Variants in NAV1 observed in about 807,000 individuals in gnomAD.
NAV1 encodes the protein neuron navigator 1.
A neutral mutation model predicts 175.2 loss-of-function variants in NAV1; 18 were observed. That is an observed-to-expected ratio of 0.10 (90% CI 0.07 to 0.15). The LOEUF (loss-of-function observed/expected upper bound fraction) is 0.15. Ranked by LOEUF, NAV1 falls within the 10% of genes least tolerant of loss-of-function variation. The pLI, the probability that NAV1 is intolerant of heterozygous loss-of-function variation, is 1.00. For missense variants in NAV1, 1,731 were observed against 2,436.6 expected (o/e 0.71, Z 6.10); for synonymous variants, 897 against 978.7 (o/e 0.92, Z 1.56).
chr1:201,597,056 C>A (rs1667368193), intron 2 of NAV1, among the ~76,000 whole-genome samples: 1 of 152,120 alleles, frequency 6.6e-6, no homozygotes. Context: ...AAACTCCTAA[C>A]CTCAAGTGAT....
intron 1 of NAV1, among the ~76,000 whole-genome samples, chr1:201,583,607 T>G (rs774707963): frequency 5.3e-5 from 8 of 152,234 alleles, no homozygotes; most frequent in Non-Finnish European, 1.2e-4. Context: ...GTTACAAGCT[T>G]GCTGGGTGTC....
At chr1:201,734,250 A>G (rs1672992447) in intron 3 of NAV1, among the ~76,000 whole-genome samples, 1 of 151,822 alleles carries the variant, frequency 6.6e-6, no homozygotes, top group Non-Finnish European at 1.5e-5. Context: ...TGTACAAAAA[A>G]TTTTAAAATT....
At chr1:201,818,146 T>A (rs1338075911) in intron 29 of NAV1, among the ~76,000 whole-genome samples, 1 of 152,098 alleles carries the variant, frequency 6.6e-6, no homozygotes, top group Non-Finnish European at 1.5e-5. Flanking sequence ...GGGAGATTGC[T>A]TGAGCCTGGG....
intron 1 of NAV1, among the ~76,000 whole-genome samples, chr1:201,652,928 A>G (rs1669262058): frequency 6.6e-6 from 1 of 152,224 alleles, no homozygotes; most frequent in Non-Finnish European, 1.5e-5. Context: ...AGCCTACCTT[A>G]AACGTGCTCA....
At chr1:201,707,255 A>AGAC (rs1671708033) in intron 1 of NAV1, among the ~76,000 whole-genome samples, 1 of 152,138 alleles carries the variant, frequency 6.6e-6, no homozygotes, top group South Asian at 2.1e-4. Flanking sequence ...AGCAAATGAG[A>AGAC]GACAAGGGGC....
chr1:201,626,030 C>T (rs533535897), intron 1 of NAV1, among the ~76,000 whole-genome samples: 1 of 152,336 alleles, frequency 6.6e-6, no homozygotes, highest in African/African-American at 2.4e-5. Context: ...AAAGACCTGA[C>T]TCATCACCAT....
At chr1:201,629,676 T>G in intron 2 of NAV1, 169 bp downstream of exon 4, 1 of 381,588 alleles carries the variant, frequency 2.6e-6, no homozygotes, top group Non-Finnish European at 4.7e-6. Flanking sequence ...AACCCAGGGT[T>G]GGTCCATCAA....
intron 2 of NAV1, among the ~76,000 whole-genome samples, chr1:201,596,894 C>T (rs1049390264): frequency 1.3e-5 from 2 of 152,188 alleles, no homozygotes; most frequent in South Asian, 2.1e-4. Context: ...GGCGAAATCT[C>T]GGCTCACTGC....
chr1:201,790,855 G>A, intron 13 of NAV1, 89 bp downstream of exon 17: 1 of 1,298,220 alleles, frequency 7.7e-7, no homozygotes, highest in Non-Finnish European at 1.1e-6. Context: ...TACCTGGTAA[G>A]GTATCCCCTG....
intron 1 of NAV1, among the ~76,000 whole-genome samples, chr1:201,668,250 T>C (rs1323965162): frequency 6.6e-6 from 1 of 152,138 alleles, no homozygotes; most frequent in Non-Finnish European, 1.5e-5. Context: ...CTCCGCCTCC[T>C]GCCACCCCCT....
chr1:201,766,698 T>C (rs1382145100), intron 3 of NAV1, among the ~76,000 whole-genome samples: 1 of 152,200 alleles, frequency 6.6e-6, no homozygotes, highest in Non-Finnish European at 1.5e-5. Context: ...ATGGACCAAA[T>C]GTAACTACTG....
At chr1:201,548,361 AC>A (rs1413782848) in intron 1 of NAV1, among the ~76,000 whole-genome samples, 8 of 151,992 alleles carry the variant, frequency 5.3e-5, no homozygotes, top group Non-Finnish European at 1.2e-4. Context: ...AGCAAGACTC[AC>A]CCCCCAATCT....
chr1:201,634,046 A>G (rs1668549457), intron 2 of NAV1, among the ~76,000 whole-genome samples: 1 of 152,142 alleles, frequency 6.6e-6, no homozygotes, highest in Non-Finnish European at 1.5e-5. Flanking sequence ...CCTTCTAACA[A>G]CTGCATGAGG....
chr1:201,687,531 A>C (rs1470396139), intron 1 of NAV1, among the ~76,000 whole-genome samples: 1 of 152,232 alleles, frequency 6.6e-6, no homozygotes, highest in Non-Finnish European at 1.5e-5. Flanking sequence ...CTAGCACTTA[A>C]CATACGTTAT....
chr1:201,811,464 T>G (rs772511770), intron 24 of NAV1, 139 bp from the exon 29 acceptor site: 13 of 980,188 alleles, frequency 1.3e-5, no homozygotes, highest in East Asian at 7.2e-5. Flanking sequence ...TCTGTGGTAA[T>G]CTGCTGTAAT....
At chr1:201,755,319 T>G (rs941880298) in intron 3 of NAV1, among the ~76,000 whole-genome samples, 30 of 152,142 alleles carry the variant, frequency 2.0e-4, no homozygotes, top group Non-Finnish European at 2.9e-5. Flanking sequence ...CACAGGCCTG[T>G]GGTCCCAGTT....
chr1:201,551,876 G>A (rs1012013343), intron 1 of NAV1, among the ~76,000 whole-genome samples: 6 of 152,214 alleles, frequency 3.9e-5, no homozygotes, highest in Non-Finnish European at 8.8e-5. Flanking sequence ...GAGCTAATAA[G>A]CCGGCCCCTC....
intron 29 of NAV1, among the ~76,000 whole-genome samples, 197 bp downstream of exon 33, chr1:201,817,482 C>A (rs1679122397): frequency 6.6e-6 from 1 of 151,894 alleles, no homozygotes; most frequent in African/African-American, 2.4e-5. Context: ...TAAAAAAAAA[C>A]CCTGAATTCT....
intron 1 of NAV1, among the ~76,000 whole-genome samples, chr1:201,565,864 C>A (rs557569394): frequency 3.3e-5 from 5 of 152,254 alleles, no homozygotes; most frequent in African/African-American, 1.2e-4. Flanking sequence ...TCCCTGGAGG[C>A]GCCAGACATT....
Sources: gnomAD v4.1 joint callset for allele counts (sites outside exome capture counted in the v4.1 genomes callset) on GRCh38, gnomAD v4.1.1 for gene constraint, MANE v1.5 for transcripts, NCBI Gene and HGNC (gene_info 2026-07-23, HGNC 2026-07-21) for gene names.